The following MATCAP2 variants were observed in gnomAD, a reference collection of about 807,000 sequenced individuals.
MATCAP2 encodes the protein microtubule associated tyrosine carboxypeptidase 2, also known as putative tyrosine carboxypeptidase MATCAP2.
chr7:36,336,716 A>C, the MATCAP2 span, among the ~76,000 whole-genome samples: 1 of 152,134 alleles, frequency 6.6e-6, no homozygotes. Flanking sequence ...ATGAGAAAAA[A>C]AAAATTTCAG....
chr7:36,377,805 T>C, the MATCAP2 span, among the ~76,000 whole-genome samples: 1 of 152,246 alleles, frequency 6.6e-6, no homozygotes, highest in African/African-American at 2.4e-5. Context: ...CGTTTCTTTT[T>C]ACTCTTTTTT....
the MATCAP2 span, chr7:36,390,332 C>G: frequency 4.1e-6 from 2 of 489,072 alleles, no homozygotes; most frequent in Non-Finnish European, 7.4e-6. Context: ...TACCATGTCC[C>G]TCTGCAGTCC....
chr7:36,360,431 GC>G, the MATCAP2 span, among the ~76,000 whole-genome samples: 4 of 152,140 alleles, frequency 2.6e-5, no homozygotes, highest in Non-Finnish European at 5.9e-5. Flanking sequence ...CAGTTCACTT[GC>G]TAATTATCTC....
At chr7:36,361,099 G>A in the MATCAP2 span, among the ~76,000 whole-genome samples, 1 of 152,138 alleles carries the variant, frequency 6.6e-6, no homozygotes, top group Non-Finnish European at 1.5e-5. Flanking sequence ...TAGTCTATTC[G>A]CAAGTAGGTG....
the MATCAP2 span, among the ~76,000 whole-genome samples, chr7:36,336,626 A>T: frequency 6.6e-6 from 1 of 152,128 alleles, no homozygotes; most frequent in East Asian, 1.9e-4. Context: ...CTTCTCTAAG[A>T]TAATTTGGTG....
chr7:36,333,998 G>A, the MATCAP2 span: 6 of 1,613,998 alleles, frequency 3.7e-6, no homozygotes, highest in African/African-American at 8.0e-5. Flanking sequence ...TGTAGTAGAG[G>A]AGGGCAGCCC....
At chr7:36,382,783 A>G in the MATCAP2 span, among the ~76,000 whole-genome samples, 4 of 152,156 alleles carry the variant, frequency 2.6e-5, no homozygotes, top group Non-Finnish European at 5.9e-5. Context: ...GTGAGCCACC[A>G]CGCCCAGCCA....
the MATCAP2 span, among the ~76,000 whole-genome samples, chr7:36,368,789 C>A: frequency 6.6e-6 from 1 of 152,180 alleles, no homozygotes; most frequent in South Asian, 2.1e-4. Context: ...TGATATTCCT[C>A]AATTCCAGGC....
chr7:36,385,567 T>C, the MATCAP2 span, among the ~76,000 whole-genome samples: 1 of 152,140 alleles, frequency 6.6e-6, no homozygotes, highest in African/African-American at 2.4e-5. Flanking sequence ...GGAGGATCAT[T>C]TGAGGCCAGG....
At chr7:36,331,591 T>C in the MATCAP2 span, among the ~76,000 whole-genome samples, 1 of 152,326 alleles carries the variant, frequency 6.6e-6, no homozygotes, top group Admixed American at 6.5e-5. Context: ...AAACTGTGGT[T>C]TTAAAGCATA....
chr7:36,342,885 CAA>C, the MATCAP2 span, among the ~76,000 whole-genome samples: 1 of 152,166 alleles, frequency 6.6e-6, no homozygotes, highest in Admixed American at 6.5e-5. Flanking sequence ...CTCCATCTCC[CAA>C]AGTGTTAGAA....
the MATCAP2 span, among the ~76,000 whole-genome samples, chr7:36,363,617 G>A: frequency 6.6e-6 from 1 of 152,166 alleles, no homozygotes; most frequent in South Asian, 2.1e-4. Context: ...CTATAATAGT[G>A]AGCTGATTTT....
the MATCAP2 span, among the ~76,000 whole-genome samples, chr7:36,383,376 C>T: frequency 1.1e-4 from 17 of 152,082 alleles, no homozygotes; most frequent in African/African-American, 3.4e-4. Flanking sequence ...ATGTTTACTG[C>T]GGCACTGTTC....
chr7:36,386,261 T>C, the MATCAP2 span, among the ~76,000 whole-genome samples: 4 of 152,084 alleles, frequency 2.6e-5, no homozygotes, highest in Admixed American at 1.3e-4. Flanking sequence ...TGGTTATCCA[T>C]ACAAAAAACA....
the MATCAP2 span, among the ~76,000 whole-genome samples, chr7:36,329,635 A>C: frequency 2.0e-5 from 3 of 152,254 alleles, no homozygotes; most frequent in Non-Finnish European, 4.4e-5. Context: ...GTCCATAATA[A>C]TACTACAAAA....
the MATCAP2 span, chr7:36,325,016 A>G: frequency 6.6e-6 from 1 of 152,252 alleles, no homozygotes; most frequent in South Asian, 2.1e-4. Flanking sequence ...CAGGACATAA[A>G]TATTGCCATT....
the MATCAP2 span, among the ~76,000 whole-genome samples, chr7:36,358,648 T>G: frequency 6.6e-6 from 1 of 152,238 alleles, no homozygotes; most frequent in South Asian, 2.1e-4. Flanking sequence ...CATTCACTAC[T>G]TTAAAACTGT....
chr7:36,346,220 G>A, the MATCAP2 span, among the ~76,000 whole-genome samples: 1 of 152,170 alleles, frequency 6.6e-6, no homozygotes, highest in Non-Finnish European at 1.5e-5. Flanking sequence ...TTGAAAAACA[G>A]TCTGGCAGTT....
chr7:36,384,560 G>A, the MATCAP2 span, among the ~76,000 whole-genome samples: 1 of 152,214 alleles, frequency 6.6e-6, no homozygotes, highest in African/African-American at 2.4e-5. Context: ...ACTGTAGTAG[G>A]AAGGCCTAGC....
Sources: gnomAD v4.1 joint callset for allele counts (sites outside exome capture counted in the v4.1 genomes callset) on GRCh38, gnomAD v4.1.1 for gene constraint, MANE v1.5 for transcripts, NCBI Gene and HGNC (gene_info 2026-07-23, HGNC 2026-07-21) for gene names.